The following MBNL1 variants were observed in gnomAD, a reference collection of about 807,000 sequenced individuals.
MBNL1 encodes the protein muscleblind like splicing regulator 1, also known as muscleblind-like protein 1.
A neutral mutation model predicts 42.2 loss-of-function variants in MBNL1; 8 were observed. The observed-to-expected ratio is 0.19, with a 90% CI of 0.11 to 0.34. The LOEUF is 0.34. Ranked by LOEUF, MBNL1 falls within the 10% of genes least tolerant of loss-of-function variation. The pLI is 1.00. For missense variants in MBNL1, 309 were observed against 495.3 expected (o/e 0.62, Z 3.57); for synonymous variants, 169 against 173.9 (o/e 0.97, Z 0.22).
intron 2 of MBNL1, among the ~76,000 whole-genome samples, chr3:152,245,734 A>G (rs546743783): frequency 6.2e-4 from 95 of 152,320 alleles, no homozygotes; most frequent in African/African-American, 2.2e-3. Context: ...CACTACACCA[A>G]TAAGTTGCAC....
At chr3:152,323,279 C>T (rs888746476) in intron 2 of MBNL1, among the ~76,000 whole-genome samples, 2 of 151,932 alleles carry the variant, frequency 1.3e-5, no homozygotes, top group Non-Finnish European at 1.5e-5. Context: ...CTTTTATACC[C>T]ATATAAAATT....
At chr3:152,446,218 A>C (rs943263992) in intron 5 of MBNL1, among the ~76,000 whole-genome samples, 1 of 152,134 alleles carries the variant, frequency 6.6e-6, no homozygotes, top group Non-Finnish European at 1.5e-5. Context: ...GCTGATTTTA[A>C]TGAGCCCATT....
At chr3:152,335,102 G>A (rs1366132018) in intron 2 of MBNL1, 8 of 1,284,792 alleles carry the variant, frequency 6.2e-6, no homozygotes, top group Non-Finnish European at 8.1e-6. Context: ...ATTACTCTTG[G>A]TGCTGCAGCA....
chr3:152,360,234 T>C (rs189829587), intron 2 of MBNL1, among the ~76,000 whole-genome samples: 43 of 152,114 alleles, frequency 2.8e-4, no homozygotes, highest in Non-Finnish European at 4.9e-4. Flanking sequence ...CCTCCTCCAA[T>C]AAATCTTTCA....
At chr3:152,315,937 T>C (rs2070930145) in intron 2 of MBNL1, among the ~76,000 whole-genome samples, 1 of 152,004 alleles carries the variant, frequency 6.6e-6, no homozygotes, top group African/African-American at 2.4e-5. Context: ...CCACACGTCT[T>C]ATGGAAATAT....
At chr3:152,367,405 A>G (rs1263904016) in intron 2 of MBNL1, among the ~76,000 whole-genome samples, 2 of 152,052 alleles carry the variant, frequency 1.3e-5, no homozygotes, top group East Asian at 3.8e-4. Flanking sequence ...TATTTGCCAC[A>G]TTTTCTTTAT....
intron 2 of MBNL1, among the ~76,000 whole-genome samples, chr3:152,411,540 A>C (rs1232333519): frequency 1.3e-5 from 2 of 152,154 alleles, no homozygotes; most frequent in African/African-American, 2.4e-5. Flanking sequence ...CAAAACAAAA[A>C]AAACTGAAGA....
intron 1 of MBNL1, among the ~76,000 whole-genome samples, chr3:152,297,679 C>T (rs1476168654): frequency 6.6e-6 from 1 of 151,104 alleles, no homozygotes; most frequent in Non-Finnish European, 1.5e-5. Flanking sequence ...TTTTTTTAGA[C>T]AGAGTCTTGC....
At chr3:152,416,677 C>A (rs2098707472) in intron 3 of MBNL1, among the ~76,000 whole-genome samples, 1 of 152,304 alleles carries the variant, frequency 6.6e-6, no homozygotes, top group South Asian at 2.1e-4. Context: ...CAAGTGTGTT[C>A]CCAGATGGAA....
intron 6 of MBNL1, among the ~76,000 whole-genome samples, chr3:152,453,948 C>A (rs1269359192): frequency 6.6e-6 from 1 of 152,134 alleles, no homozygotes; most frequent in Non-Finnish European, 1.5e-5. Flanking sequence ...TCACATTATT[C>A]TTTTTCATTC....
chr3:152,345,684 T>G (rs1235776339), intron 2 of MBNL1, among the ~76,000 whole-genome samples: 1 of 152,118 alleles, frequency 6.6e-6, no homozygotes, highest in Admixed American at 6.6e-5. Flanking sequence ...AATTTTCACA[T>G]CATTTCCAAG....
chr3:152,374,969 A>G (rs1288049868), intron 2 of MBNL1, among the ~76,000 whole-genome samples: 1 of 152,234 alleles, frequency 6.6e-6, no homozygotes, highest in Admixed American at 6.5e-5. Flanking sequence ...CTTCTAAGAC[A>G]TGCATATTAT....
chr3:152,369,300 G>A (rs939458528), intron 2 of MBNL1, among the ~76,000 whole-genome samples: 4 of 152,194 alleles, frequency 2.6e-5, no homozygotes, highest in Admixed American at 2.6e-4. Flanking sequence ...CTGTTTATGT[G>A]ATGGATTACG....
At chr3:152,354,469 T>A (rs2095358008) in intron 2 of MBNL1, among the ~76,000 whole-genome samples, 1 of 151,952 alleles carries the variant, frequency 6.6e-6, no homozygotes, top group South Asian at 2.1e-4. Flanking sequence ...AAAGAAAAAA[T>A]TACGTACTTG....
At chr3:152,310,368 G>C (rs1160385597) in intron 2 of MBNL1, among the ~76,000 whole-genome samples, 1 of 152,204 alleles carries the variant, frequency 6.6e-6, no homozygotes, top group African/African-American at 2.4e-5. Context: ...AGGTTACACA[G>C]TCAGGAGATG....
chr3:152,386,957 G>A (rs1386439878), intron 2 of MBNL1, among the ~76,000 whole-genome samples: 2 of 152,066 alleles, frequency 1.3e-5, no homozygotes, highest in Non-Finnish European at 2.9e-5. Flanking sequence ...GTTGAAGCAG[G>A]TATTTGGTAA....
At chr3:152,360,493 C>T (rs777475049) in intron 2 of MBNL1, among the ~76,000 whole-genome samples, 8 of 152,030 alleles carry the variant, frequency 5.3e-5, no homozygotes, top group Non-Finnish European at 1.0e-4. Flanking sequence ...CTTCCTGTCC[C>T]CATCTCTCTC....
chr3:152,269,950 G>T, intron 1 of MBNL1, among the ~76,000 whole-genome samples: 1 of 137,070 alleles, frequency 7.3e-6, no homozygotes. Flanking sequence ...GCCGGAATCT[G>T]TTATTGGTAG....
intron 2 of MBNL1, among the ~76,000 whole-genome samples, chr3:152,411,644 A>ACTG (rs1415776813): frequency 1.3e-5 from 2 of 152,230 alleles, no homozygotes; most frequent in African/African-American, 4.8e-5. Context: ...TAGCTCCAAT[A>ACTG]TAAAAGTCTG....
Sources: allele counts gnomAD v4.1 joint callset (sites outside exome capture counted in the v4.1 genomes callset), GRCh38; gene constraint gnomAD v4.1.1; transcripts MANE v1.5; gene names NCBI Gene and HGNC (gene_info 2026-07-23, HGNC 2026-07-21).